Variants in CASTOR2 observed in about 807,000 individuals in gnomAD.
CASTOR2 encodes cytosolic arginine sensor for mTORC1 subunit 2.
In CASTOR2, 8 loss-of-function variants were observed where a neutral mutation model predicts 31.2. The ratio of observed to expected loss-of-function variants is 0.26; its 90% CI spans 0.15 to 0.46. The LOEUF is 0.46. Among genes scored for constraint, CASTOR2 ranks in the 20% least tolerant of loss-of-function variants. The pLI, the probability that CASTOR2 is intolerant of heterozygous loss-of-function variation, is 0.99. For synonymous variants in CASTOR2, 162 were observed against 158.7 expected, an observed-to-expected ratio of 1.02 and a Z score of -0.16; for missense variants, 216 against 382.1, an observed-to-expected ratio of 0.57 and a Z score of 3.62.
At chr7:75,013,663 T>G (rs1804802252) in intron 2 of CASTOR2, among the ~76,000 whole-genome samples, 1 of 151,740 alleles carries the variant, frequency 6.6e-6, no homozygotes, top group Non-Finnish European at 1.5e-5. Flanking sequence ...AAAAAGAAGG[T>G]CTTGGCTCAA....
At chr7:74,994,276 G>A (rs1379279131) in intron 1 of CASTOR2, among the ~76,000 whole-genome samples, 1 of 152,244 alleles carries the variant, frequency 6.6e-6, no homozygotes, top group African/African-American at 2.4e-5. Flanking sequence ...GAGAGTCAGC[G>A]ACTGGTGTGC....
chr7:75,025,599 C>T lies in CASTOR2; in HGVS notation c.*900C>T, dbSNP rs1805105961. ...AACTAGACCAGCATAGGACTCCCCG[C>T]CGTCCTCCTCCCTCCTCTGCCCCCA... On this transcript the variant is annotated 3_prime_UTR_variant, in exon 9 of 9. Transcript: ENST00000616305. 2.0e-5 allele frequency among the ~76,000 whole-genome samples: 3 copies of T among 152,384 alleles called. No individual in the cohort carries two copies. In the South Asian group the frequency reaches 6.2e-4, roughly 32 times the overall value.
intron 1 of CASTOR2, among the ~76,000 whole-genome samples, chr7:74,997,772 G>A (rs1804387515): frequency 6.6e-6 from 1 of 151,528 alleles, no homozygotes; most frequent in Admixed American, 6.6e-5. Flanking sequence ...TTGTAACTCT[G>A]TAAAAAGTCT....
rs1223714587 is a variant in CASTOR2, at chr7:75,027,836, C to T, written c.*3137C>T. On this transcript the variant is annotated 3_prime_UTR_variant, in exon 9 of 9. Transcript: ENST00000616305. ...TCTTGGTTTGGTCTCCACAGCTCTT[C>T]GGGGTGGGGTGTGAGTGTGGTTTTT... 12 of 660,082 alleles carry T rather than the reference C, an allele frequency of 1.8e-5. No homozygotes were observed. The highest frequency in any genetic ancestry group is 5.5e-5 in the East Asian group (2 of 36,484). The allele number at this position is 660,082 out of a possible 1,614,324, so 40.9% of individuals were successfully genotyped here.
In CASTOR2 at chr7:74,989,483, G is replaced by T. The variant is rs1278249123; in HGVS notation, c.114-18511G>T. Among the ~76,000 whole-genome samples, 70 of 152,018 alleles carry T rather than the reference G, an allele frequency of 4.6e-4. 1 individual carries two copies. The highest frequency in any genetic ancestry group is 4.4e-3 in the Admixed American group (67 of 15,238). On this transcript the variant is annotated intron_variant, in intron 1 of 8. Transcript: ENST00000616305. ...GTCACCCAGGCTGGAGTGCAGTGGC[G>T]CAATCATAGCTCACCACAGCCTCTA...
At position 75,024,426 on chromosome 7, in the gene CASTOR2, C is replaced by G. The variant is rs1312603783; in HGVS notation, c.830-14C>G. The G allele has an allele frequency of 3.2e-6, 5 of 1,551,406 alleles. No individual in the cohort carries two copies. Among genetic ancestry groups the G allele is most frequent in the Non-Finnish European group, 4.4e-6 (5 of 1,146,820 alleles). On this transcript the variant is annotated splice_polypyrimidine_tract_variant and intron_variant, in intron 7 of 8. Transcript: ENST00000616305. ...AGGTTACACAGAGGCTAAGGACGGT[C>G]TCTCCTGTTCTAGATGAGTGTGGCA...
Position 75,024,791 on chromosome 7 carries a change from C to A in CASTOR2, c.*92C>A. The A allele has an allele frequency of 6.4e-7, 1 of 1,550,608 alleles. No individual in the cohort carries two copies. Among genetic ancestry groups the A allele is most frequent in the South Asian group, 1.2e-5 (1 of 83,900 alleles). ...AGTATTTCTCTACAGACTGGAAAAT[C>A]AGCCTGGGGACCCTGAGGAAGGGGC... On this transcript the variant is annotated 3_prime_UTR_variant, in exon 9 of 9. Coordinates refer to ENST00000616305, the MANE Select transcript of CASTOR2 (RefSeq NM_001145064.3).
intron 1 of CASTOR2, among the ~76,000 whole-genome samples, chr7:75,002,416 T>A (rs34156758): frequency 0.11 from 16,142 of 150,180 alleles, 946 homozygotes; most frequent in Middle Eastern, 0.28. Context: ...GTCAGGAGTT[T>A]GAGACCAGCC....
Position 75,031,457 on chromosome 7 carries a change from A to T in CASTOR2, c.*6758A>T, listed in dbSNP as rs1191357105. The stretch of plus-strand genomic sequence containing the variant: ...TACTGTATGTTGGAGAAAAAAAATT[A>T]CCTAATGTTCCCCCAAAAAAGACAG... On this transcript the variant is annotated 3_prime_UTR_variant, in exon 9 of 9. Coordinates refer to ENST00000616305, the MANE Select transcript of CASTOR2 (RefSeq NM_001145064.3). Among the ~76,000 whole-genome samples the T allele has an allele frequency of 6.6e-6, 1 of 151,890 alleles. No individual in the cohort carries two copies. Among genetic ancestry groups the T allele is most frequent in the Non-Finnish European group, 1.5e-5 (1 of 67,958 alleles).
intron 1 of CASTOR2, among the ~76,000 whole-genome samples, chr7:74,965,880 A>ACACT (rs1383177754): frequency 4.7e-5 from 1 of 21,476 alleles, no homozygotes; most frequent in African/African-American, 2.1e-4. Context: ...ACACACACAC[A>ACACT]CACTCTCTCT....
chr7:74,995,511 G>GAAAAAAAAAAAAA (rs1335114046), intron 1 of CASTOR2, among the ~76,000 whole-genome samples: 6 of 88,462 alleles, frequency 6.8e-5, no homozygotes, highest in East Asian at 3.3e-4. Flanking sequence ...ACAAAAAAAT[G>GAAAAAAAAAAAAA]AAAAAAAAAA....
intron 4 of CASTOR2, 76 bp downstream of exon 4, chr7:75,018,198 T>A: frequency 6.4e-7 from 1 of 1,566,736 alleles, no homozygotes; most frequent in Non-Finnish European, 8.7e-7. Flanking sequence ...AGCCTTACTC[T>A]CAGCACGGGC....
chr7:75,020,995 A>G (rs1219506510), intron 6 of CASTOR2, among the ~76,000 whole-genome samples: 2 of 149,654 alleles, frequency 1.3e-5, no homozygotes, highest in Non-Finnish European at 3.0e-5. Flanking sequence ...TTTTTTTAAT[A>G]TTTATTTACT....
rs1192121355 is a variant in CASTOR2 at position 75,001,507 on chromosome 7, G to A, written c.114-6487G>A. ...ACCCCGGGGGCCCGGCATCTGGGGT[G>A]TGGACCTGGCCATGACTCATTAGAA... is the stretch of plus-strand genomic sequence containing the variant. On this transcript the variant is annotated intron_variant, in intron 1 of 8. Transcript: ENST00000616305. Among the ~76,000 whole-genome samples the A allele has an allele frequency of 4.3e-3, 661 of 152,346 alleles. 7 individuals carry two copies. Among genetic ancestry groups the A allele is most frequent in the African/African-American group, 0.015 (623 of 41,580 alleles).
intron 2 of CASTOR2, among the ~76,000 whole-genome samples, chr7:75,013,960 C>G (rs1404079708): frequency 3.3e-5 from 5 of 152,066 alleles, no homozygotes; most frequent in African/African-American, 1.2e-4. Flanking sequence ...AACTCCTGAC[C>G]TCAAGTGATC....
At chr7:74,987,228 A>G (rs1391389142) in intron 1 of CASTOR2, among the ~76,000 whole-genome samples, 10 of 151,980 alleles carry the variant, frequency 6.6e-5, no homozygotes, top group African/African-American at 2.4e-4. Context: ...AACATGGTGA[A>G]ACCCCATCTC....
chr7:74,984,453 A>G (rs1804017526), intron 1 of CASTOR2, among the ~76,000 whole-genome samples: 1 of 152,108 alleles, frequency 6.6e-6, no homozygotes, highest in African/African-American at 2.4e-5. Flanking sequence ...CTCAGTAGAA[A>G]TTGGGACCTG....
chr7:74,981,727 T>C (rs1187974552), intron 1 of CASTOR2, among the ~76,000 whole-genome samples: 9 of 151,222 alleles, frequency 6.0e-5, no homozygotes, highest in Non-Finnish European at 1.3e-4. Flanking sequence ...ATGCCGGGCC[T>C]ATTTTTTTTT....
chr7:74,987,089 T>C (rs1554436819), intron 1 of CASTOR2, among the ~76,000 whole-genome samples: 1 of 151,016 alleles, frequency 6.6e-6, no homozygotes, highest in Non-Finnish European at 1.5e-5. Flanking sequence ...GTGTTTATGC[T>C]ACCAAGGAGT....
Sources: allele counts gnomAD v4.1 joint callset (sites outside exome capture counted in the v4.1 genomes callset), GRCh38; gene constraint gnomAD v4.1.1; transcripts MANE v1.5; gene names NCBI Gene and HGNC (gene_info 2026-07-23, HGNC 2026-07-21).